The following NOL4 variants were observed in gnomAD, a reference collection of about 807,000 sequenced individuals.
NOL4 encodes the protein nucleolar protein 4.
A neutral mutation model predicts 75.9 loss-of-function variants in NOL4; 17 were observed. The observed-to-expected ratio is 0.22, with a 90% CI of 0.15 to 0.34. NOL4 has a LOEUF of 0.34. Ranked by LOEUF, NOL4 falls within the 10% of genes least tolerant of loss-of-function variation. NOL4 has a pLI of 1.00. For synonymous variants in NOL4, 292 were observed against 289.9 expected (o/e 1.01, Z -0.07); for missense variants, 614 against 793.5 (o/e 0.77, Z 2.72).
chr18:34,056,061 G>C (rs1157859415), intron 5 of NOL4, among the ~76,000 whole-genome samples: 1 of 151,714 alleles, frequency 6.6e-6, no homozygotes, highest in Non-Finnish European at 1.5e-5. Context: ...GTTCTTTTTT[G>C]AGCTTACTGA....
intron 5 of NOL4, among the ~76,000 whole-genome samples, chr18:34,070,193 A>G (rs956775421): frequency 3.3e-5 from 5 of 152,146 alleles, no homozygotes; most frequent in African/African-American, 9.6e-5. Flanking sequence ...CACTGCGCCC[A>G]GCTAATTTTT....
intron 9 of NOL4, among the ~76,000 whole-genome samples, chr18:33,934,275 G>C (rs983484718): frequency 6.6e-6 from 1 of 152,054 alleles, no homozygotes; most frequent in South Asian, 2.1e-4. Context: ...AGGCAGAGTA[G>C]ATTTTCATGA....
chr18:34,103,620 A>T (rs2079137453), intron 4 of NOL4, among the ~76,000 whole-genome samples: 2 of 152,066 alleles, frequency 1.3e-5, no homozygotes, highest in African/African-American at 4.8e-5. Context: ...GGTTTGAATG[A>T]TGGAGAAATG....
intron 1 of NOL4, among the ~76,000 whole-genome samples, chr18:34,132,120 G>A (rs1402613774): frequency 6.6e-6 from 1 of 152,142 alleles, no homozygotes; most frequent in Non-Finnish European, 1.5e-5. Context: ...CACAGCTTGA[G>A]GCTGCATTAT....
chr18:34,153,721 G>A (rs939363983), intron 1 of NOL4, among the ~76,000 whole-genome samples: 2 of 152,032 alleles, frequency 1.3e-5, no homozygotes, highest in Admixed American at 6.6e-5. Flanking sequence ...TTAAGACAGA[G>A]ACTATATTGT....
In NOL4 at chr18:33,852,786, A is replaced by T; in HGVS notation, c.*56T>A. On this transcript the variant is annotated 3_prime_UTR_variant, in exon 11 of 11. Transcript: ENST00000261592. Reference sequence around the variant, plus strand: ...GAAGTATCTCTGTTGGGAAATCAAAATGTCATTAGTGGAAACTGCAAATTT... The same window carrying T: ...GAAGTATCTCTGTTGGGAAATCAAATTGTCATTAGTGGAAACTGCAAATTT... The T allele has an allele frequency of 6.9e-7, 1 of 1,458,768 alleles. No individual in the cohort carries two copies. Among genetic ancestry groups the T allele is most frequent in the East Asian group, 2.3e-5 (1 of 43,810 alleles). 90.4% of individuals were successfully genotyped at this position (1,458,768 alleles called of 1,614,324 possible).
chr18:34,076,716 C>T (rs910329948), intron 5 of NOL4, among the ~76,000 whole-genome samples: 2 of 152,204 alleles, frequency 1.3e-5, no homozygotes, highest in Admixed American at 6.5e-5. Flanking sequence ...CACACAGATT[C>T]GAGTTACTAC....
intron 2 of NOL4, among the ~76,000 whole-genome samples, chr18:34,113,173 T>A (rs2079685402): frequency 6.6e-6 from 1 of 151,204 alleles, no homozygotes; most frequent in Non-Finnish European, 1.5e-5. Context: ...GAAGATGGGG[T>A]CTCATCATGT....
At chr18:34,182,377 A>G (rs1288482706) in intron 1 of NOL4, among the ~76,000 whole-genome samples, 4 of 151,686 alleles carry the variant, frequency 2.6e-5, no homozygotes, top group African/African-American at 9.7e-5. Flanking sequence ...AGAAAGTTGA[A>G]TAGTTGTTAG....
chr18:34,095,705 G>A (rs914673796), intron 4 of NOL4, among the ~76,000 whole-genome samples: 2 of 151,932 alleles, frequency 1.3e-5, no homozygotes, highest in Non-Finnish European at 2.9e-5. Context: ...TTACTATATG[G>A]AATATACAAT....
At chr18:34,192,501 A>AT (rs2034994717) in intron 1 of NOL4, among the ~76,000 whole-genome samples, 1 of 152,234 alleles carries the variant, frequency 6.6e-6, no homozygotes, top group African/African-American at 2.4e-5. Flanking sequence ...GGTACTGGTA[A>AT]TAAAAACAGA....
At chr18:34,159,493 C>T (rs1422511875) in intron 1 of NOL4, among the ~76,000 whole-genome samples, 35 of 152,136 alleles carry the variant, frequency 2.3e-4, no homozygotes, top group Non-Finnish European at 3.1e-4. Flanking sequence ...GCCGCCGCCG[C>T]CTTCTCCTCC....
chr18:33,981,606 G>A (rs1398889877), intron 6 of NOL4, among the ~76,000 whole-genome samples: 5 of 151,954 alleles, frequency 3.3e-5, no homozygotes, highest in Non-Finnish European at 7.4e-5. Context: ...AATGAAGGAG[G>A]AATACTTTCT....
chr18:33,857,171 TA>T (rs1421682023), intron 10 of NOL4, among the ~76,000 whole-genome samples: 1 of 152,056 alleles, frequency 6.6e-6, no homozygotes, highest in Non-Finnish European at 1.5e-5. Context: ...TATTAAAGTT[TA>T]AACTGGAAGC....
At chr18:33,991,312 A>G (rs554399595) in intron 6 of NOL4, among the ~76,000 whole-genome samples, 62 of 152,130 alleles carry the variant, frequency 4.1e-4, no homozygotes, top group Non-Finnish European at 8.5e-4. Context: ...AATCCACCCA[A>G]CTGAAACTTT....
At chr18:34,187,709 A>G (rs918948478) in intron 1 of NOL4, among the ~76,000 whole-genome samples, 2 of 152,128 alleles carry the variant, frequency 1.3e-5, no homozygotes, top group Non-Finnish European at 2.9e-5. Context: ...TTAATGCTAA[A>G]ATATTTCATT....
At chr18:34,128,327 ATAC>A (rs2080475621) in intron 2 of NOL4, among the ~76,000 whole-genome samples, 1 of 151,948 alleles carries the variant, frequency 6.6e-6, no homozygotes, top group African/African-American at 2.4e-5. Flanking sequence ...TATTCATTTA[ATAC>A]AATTGAAATT....
chr18:34,185,518 G>C (rs549368970), intron 1 of NOL4, among the ~76,000 whole-genome samples: 1 of 151,996 alleles, frequency 6.6e-6, no homozygotes, highest in South Asian at 2.1e-4. Flanking sequence ...AATTCAGAGA[G>C]AAAAATTGAA....
chr18:34,075,665 G>T (rs1344839648), intron 5 of NOL4, among the ~76,000 whole-genome samples: 1 of 152,162 alleles, frequency 6.6e-6, no homozygotes, highest in Non-Finnish European at 1.5e-5. Context: ...TGCAAGTCAT[G>T]ACATTAGAGA....
Sources: allele counts gnomAD v4.1 joint callset (sites outside exome capture counted in the v4.1 genomes callset), GRCh38; gene constraint gnomAD v4.1.1; transcripts MANE v1.5; gene names NCBI Gene and HGNC (gene_info 2026-07-23, HGNC 2026-07-21).